AVL9: variants seen among roughly 807,000 people sequenced by gnomAD.
The protein encoded by AVL9 is AVL9 cell migration associated.
In AVL9, 49 loss-of-function variants were observed where a neutral mutation model predicts 79.2. The observed-to-expected ratio is 0.62, with a 90% CI of 0.49 to 0.79. The LOEUF (loss-of-function observed/expected upper bound fraction) is 0.79. AVL9 is among the 30% of genes least tolerant of loss of function. The pLI, the probability that AVL9 is intolerant of heterozygous loss-of-function variation, is 0.00. For missense variants in AVL9, 682 were observed against 776.8 expected, an observed-to-expected ratio of 0.88 and a Z score of 1.45; for synonymous variants, 299 against 280.6, an observed-to-expected ratio of 1.07 and a Z score of -0.65.
At chr7:32,530,032 T>A (rs1788579171) in intron 1 of AVL9, among the ~76,000 whole-genome samples, 1 of 152,232 alleles carries the variant, frequency 6.6e-6, no homozygotes, top group African/African-American at 2.4e-5. Context: ...TTAATGGACA[T>A]ATGGGTTCCC....
intron 1 of AVL9, 109 bp downstream of exon 1, chr7:32,495,911 A>G: frequency 1.5e-6 from 1 of 656,954 alleles, no homozygotes; most frequent in Non-Finnish European, 2.2e-6. Context: ...TCCTCCCCAC[A>G]GCGCCTGCGA....
intron 1 of AVL9, among the ~76,000 whole-genome samples, chr7:32,504,269 C>T (rs1026849092): frequency 5.3e-5 from 8 of 151,908 alleles, no homozygotes; most frequent in Non-Finnish European, 1.2e-4. Context: ...TAATTTTTTT[C>T]CTGTAAGAAA....
At chr7:32,561,690 C>A (rs575263160) in intron 10 of AVL9, among the ~76,000 whole-genome samples, 2 of 152,238 alleles carry the variant, frequency 1.3e-5, no homozygotes, top group Admixed American at 1.3e-4. Context: ...CTTTTAATTT[C>A]CTTCAAAAAC....
Position 32,562,677 on chromosome 7 carries a change from T to C in AVL9, c.1215+3213T>C, listed in dbSNP as rs1283742251. The C allele has an allele frequency of 3.2e-6, 3 of 950,844 alleles. No individual in the cohort carries two copies. In the African/African-American group the frequency reaches 5.3e-5, roughly 17 times the overall value. 58.9% of individuals were successfully genotyped at this position (950,844 alleles called of 1,614,324 possible). On this transcript the variant is annotated intron_variant, in intron 10 of 15. Transcript: ENST00000318709. ...TCTCACACCTGTAATCCCAGCACTT[T>C]GGGAGGCCGAGGTGGGGAGGATTGC...
intron 1 of AVL9, among the ~76,000 whole-genome samples, chr7:32,511,679 G>A (rs936147878): frequency 1.8e-4 from 28 of 152,100 alleles, no homozygotes; most frequent in African/African-American, 6.8e-4. Flanking sequence ...GTAGGGTGCT[G>A]GGAAGGGGCG....
intron 10 of AVL9, chr7:32,562,650 C>A: frequency 1.0e-6 from 1 of 983,162 alleles, no homozygotes; most frequent in Non-Finnish European, 1.2e-6. Flanking sequence ...CTGGACATAG[C>A]ATCTCACACC....
chr7:32,540,871 C>CTTTTTTTTTTTTTTTTTT (rs749306635), intron 1 of AVL9, among the ~76,000 whole-genome samples: 2 of 72,468 alleles, frequency 2.8e-5, no homozygotes, highest in African/African-American at 9.7e-5. Context: ...TGTTGTACTA[C>CTTTTTTTTTTTTTTTTTT]TTTTTTTTTT....
Position 32,573,410 on chromosome 7 carries a change from T to C in AVL9, c.1562T>C (p.Leu521Pro). ...ATTCATGCCCTGCTGGCTGCCACACTGCAATTAGGTAAGAAACCACACGGA... is the reference window on the plus strand; with the variant it reads ...ATTCATGCCCTGCTGGCTGCCACACCGCAATTAGGTAAGAAACCACACGGA... ...VYIHALLAATLQLDNEKILSD... is the reference protein window; with the variant it reads ...VYIHALLAATPQLDNEKILSD... Residue 521 changes from leucine (L) to proline (P), a missense_variant, in exon 12 of 16, where the codon CTG becomes CCG. Leu to Pro is a moderately conservative substitution (Grantham distance 98). Coordinates refer to ENST00000318709, the MANE Select transcript of AVL9 (RefSeq NM_015060.3). 6.2e-7 allele frequency: 1 copy of C among 1,613,212 alleles called. No homozygotes were observed. Among genetic ancestry groups the C allele is most frequent in the South Asian group, 1.1e-5 (1 of 91,068 alleles).
rs139640871 is a variant in AVL9, at chr7:32,575,870, G to A, written c.1571-85G>A. 87 of 926,818 alleles carry A rather than the reference G, an allele frequency of 9.4e-5. 1 individual carries two copies. In the East Asian group the frequency reaches 1.2e-3, roughly 13 times the overall value. The allele number at this position is 926,818 out of a possible 1,614,324, so 57.4% of individuals were successfully genotyped here. On this transcript the variant is annotated intron_variant, in intron 12 of 15. Coordinates refer to ENST00000318709, the MANE Select transcript of AVL9 (RefSeq NM_015060.3). ...TATGGGAGGGCAAGGGGATAAAGTC[G>A]TTCCTTTACCCTTTTTGGTTATAAT... is the stretch of plus-strand genomic sequence containing the variant.
chr7:32,544,636 C>T, intron 2 of AVL9, 58 bp from the exon 3 acceptor site: 2 of 1,180,916 alleles, frequency 1.7e-6, no homozygotes. Context: ...TCAGATTATA[C>T]TACTTATTAA....
intron 10 of AVL9, among the ~76,000 whole-genome samples, chr7:32,567,579 G>C (rs1239286209): frequency 6.6e-6 from 1 of 152,100 alleles, no homozygotes; most frequent in Non-Finnish European, 1.5e-5. Context: ...CATTGTCACT[G>C]TCTTATGTTT....
chr7:32,526,288 G>A (rs1306518387), intron 1 of AVL9, among the ~76,000 whole-genome samples: 1 of 152,144 alleles, frequency 6.6e-6, no homozygotes, highest in African/African-American at 2.4e-5. Context: ...GCTGTTTTGG[G>A]AAAATGGCAG....
chr7:32,519,414 C>T (rs757263647), intron 1 of AVL9, among the ~76,000 whole-genome samples: 6 of 145,960 alleles, frequency 4.1e-5, no homozygotes, highest in Admixed American at 7.1e-5. Flanking sequence ...GGCGACAGAG[C>T]GAGACTCTGT....
intron 1 of AVL9, chr7:32,538,348 A>G (rs1391543973): frequency 6.6e-6 from 1 of 152,224 alleles, no homozygotes; most frequent in Non-Finnish European, 1.5e-5. Flanking sequence ...TAATCCTAAA[A>G]GCAATACATA....
At position 32,552,267 on chromosome 7, in the gene AVL9, T is replaced by G; in HGVS notation, c.501T>G (p.Ala167=). The G allele has an allele frequency of 1.2e-6, 2 of 1,604,180 alleles. No homozygotes were observed. The highest frequency in any genetic ancestry group is 2.2e-5 in the East Asian group (1 of 44,728). The change falls in exon 6 of 16, where the codon GCT becomes GCG. Residue 167 remains alanine, a synonymous_variant. Coordinates refer to ENST00000318709, the MANE Select transcript of AVL9 (RefSeq NM_015060.3). Reference sequence around the variant, plus strand: ...ATATGAATAGTTCCTTGGGAGGTGCTTCATTAGAAGGATCCCAAGTATATC... The same window carrying G: ...ATATGAATAGTTCCTTGGGAGGTGCGTCATTAGAAGGATCCCAAGTATATC... The part of the protein sequence containing the change: ...YEHMNSSLGG[A]SLEGSQVYLG...
At chr7:32,523,824 C>A (rs1480722629) in intron 1 of AVL9, among the ~76,000 whole-genome samples, 10 of 150,010 alleles carry the variant, frequency 6.7e-5, no homozygotes, top group Admixed American at 4.0e-4. Flanking sequence ...AGCTCCGCCT[C>A]CTGGGTTCAC....
At chr7:32,523,667 C>T (rs1317891315) in intron 1 of AVL9, among the ~76,000 whole-genome samples, 1 of 150,616 alleles carries the variant, frequency 6.6e-6, no homozygotes, top group African/African-American at 2.4e-5. Context: ...AGGGGTGTGC[C>T]ACCACACCTG....
chr7:32,505,518 C>T (rs955335205), intron 1 of AVL9, among the ~76,000 whole-genome samples: 3 of 28,242 alleles, frequency 1.1e-4, no homozygotes, highest in African/African-American at 2.6e-4. Flanking sequence ...AGCAAAACTC[C>T]GTCTCAAAAA....
intron 12 of AVL9, among the ~76,000 whole-genome samples, chr7:32,574,491 T>C (rs954889087): frequency 1.3e-5 from 2 of 150,640 alleles, no homozygotes; most frequent in African/African-American, 4.9e-5. Context: ...TGTAGCTTAA[T>C]TAATTTGCTT....
Sources: gnomAD v4.1 joint callset for allele counts (sites outside exome capture counted in the v4.1 genomes callset) on GRCh38, gnomAD v4.1.1 for gene constraint, MANE v1.5 for transcripts, NCBI Gene and HGNC (gene_info 2026-07-23, HGNC 2026-07-21) for gene names.